FAR2: variants seen among roughly 807,000 people sequenced by gnomAD.
The protein encoded by FAR2 is epididymis secretory protein Li 81.
Under a neutral mutation model 56.0 loss-of-function variants are expected in FAR2, and 19 were observed. The observed-to-expected ratio is 0.34, with a 90% confidence interval of 0.24 to 0.50. The LOEUF is 0.50. FAR2 is among the 20% of genes least tolerant of loss of function. FAR2 has a pLI of 0.98. For synonymous variants in FAR2, 219 were observed against 218.8 expected, an observed-to-expected ratio of 1.00 and a Z score of -0.01; for missense variants, 508 against 642.2, an observed-to-expected ratio of 0.79 and a Z score of 2.26.
At chr12:29,264,616 A>AAAATAAAT (rs148784734) in intron 1 of FAR2, among the ~76,000 whole-genome samples, 13,264 of 129,940 alleles carry the variant, frequency 0.1, 889 homozygotes, top group African/African-American at 0.17. Context: ...ATCCTGTCTC[A>AAAATAAAT]AAATAAATAA....
chr12:29,241,291 T>C (rs1420546983), intron 1 of FAR2, among the ~76,000 whole-genome samples: 1 of 152,236 alleles, frequency 6.6e-6, no homozygotes, highest in Non-Finnish European at 1.5e-5. Flanking sequence ...CATCTTTTTT[T>C]TTCTTCTTCT....
At chr12:29,307,622 A>T (rs773698282) in intron 4 of FAR2, 36 bp from the exon 5 acceptor site, 1 of 1,558,178 alleles carries the variant, frequency 6.4e-7, no homozygotes, top group Admixed American at 2.0e-5. Context: ...ATTGTCTAAC[A>T]TATGTTACTA....
At chr12:29,248,514 C>T (rs998759355) in intron 1 of FAR2, among the ~76,000 whole-genome samples, 2 of 152,092 alleles carry the variant, frequency 1.3e-5, no homozygotes, top group Non-Finnish European at 2.9e-5. Context: ...TAATAGAATA[C>T]CACAAGGCAA....
intron 1 of FAR2, among the ~76,000 whole-genome samples, chr12:29,190,359 G>A (rs1950092119): frequency 6.6e-6 from 1 of 151,080 alleles, no homozygotes; most frequent in Admixed American, 6.6e-5. Context: ...CCCAAGACAA[G>A]ACACTTCAGC....
At chr12:29,284,486 A>T (rs898051767) in intron 2 of FAR2, among the ~76,000 whole-genome samples, 2 of 152,222 alleles carry the variant, frequency 1.3e-5, no homozygotes, top group African/African-American at 2.4e-5. Context: ...GAAAAATCTG[A>T]ATTACTCAGT....
intron 4 of FAR2, among the ~76,000 whole-genome samples, chr12:29,298,369 CATT>C (rs755108942): frequency 3.5e-4 from 53 of 151,130 alleles, no homozygotes; most frequent in Non-Finnish European, 7.5e-4. Flanking sequence ...GAATTTGTCA[CATT>C]ATAATTTTAT....
In FAR2 at chr12:29,307,847, T is replaced by A. The variant is rs377402153; in HGVS notation, c.723+12T>A. 6.2e-6 allele frequency: 10 copies of A among 1,602,052 alleles called. No homozygotes were observed. In the African/African-American group the frequency reaches 9.4e-5, roughly 15 times the overall value. On this transcript the variant is annotated intron_variant, in intron 5 of 11. Transcript: ENST00000536681. ...AGGAGCCTTTCCCAGTAAGCCCACT[T>A]ACCTGGATTCTGTGTTTTGCTTCCA... is the stretch of plus-strand genomic sequence containing the variant.
intron 1 of FAR2, among the ~76,000 whole-genome samples, chr12:29,253,284 TCTATATCTATCTAG>T (rs1948255898): frequency 1.2e-5 from 1 of 82,722 alleles, no homozygotes; most frequent in East Asian, 3.6e-4. Context: ...TATATCGATA[TCTATATCTATCTAG>T]ATAGATATCT....
chr12:29,202,625 C>A lies in FAR2; in HGVS notation c.-39+53218C>A, dbSNP rs182583468. 1.3e-3 allele frequency among the ~76,000 whole-genome samples: 193 copies of A among 152,276 alleles called. 1 individual carries two copies. Among genetic ancestry groups the A allele is most frequent in the African/African-American group, 4.3e-3 (177 of 41,562 alleles). On this transcript the variant is annotated intron_variant, in intron 1 of 11. Transcript: ENST00000536681. ...GTTTGGGTCATGGGGGCGGATCCCTCATAAATGGCTTGATGCCATCCTTGC... is the reference window on the plus strand; with the variant it reads ...GTTTGGGTCATGGGGGCGGATCCCTAATAAATGGCTTGATGCCATCCTTGC...
At chr12:29,186,391 CAT>C (rs1208226870) in intron 1 of FAR2, among the ~76,000 whole-genome samples, 1 of 152,194 alleles carries the variant, frequency 6.6e-6, no homozygotes, top group Non-Finnish European at 1.5e-5. Context: ...GTCACTGTGT[CAT>C]AGAGACAGGA....
intron 4 of FAR2, among the ~76,000 whole-genome samples, chr12:29,307,075 C>G (rs532922277): frequency 1.3e-5 from 2 of 152,272 alleles, no homozygotes; most frequent in South Asian, 4.1e-4. Flanking sequence ...TCGGACAACA[C>G]TGAGTAGGGC....
At chr12:29,247,275 T>C (rs1948143733) in intron 1 of FAR2, among the ~76,000 whole-genome samples, 1 of 152,222 alleles carries the variant, frequency 6.6e-6, no homozygotes, top group Admixed American at 6.5e-5. Context: ...GGAGTCTCAC[T>C]GTATGAAGCA....
intron 10 of FAR2, among the ~76,000 whole-genome samples, chr12:29,324,160 G>A (rs925623914): frequency 2.0e-5 from 3 of 151,970 alleles, no homozygotes; most frequent in Non-Finnish European, 2.9e-5. Flanking sequence ...GATGGAAGAC[G>A]AAATGAATGA....
chr12:29,296,989 C>T, intron 3 of FAR2, 32 bp from the exon 4 acceptor site: 1 of 1,552,246 alleles, frequency 6.4e-7, no homozygotes, highest in South Asian at 1.3e-5. Context: ...TGACTTACTT[C>T]ATTGTATTTC....
intron 1 of FAR2, among the ~76,000 whole-genome samples, chr12:29,221,182 C>A (rs1947686235): frequency 1.3e-5 from 2 of 152,160 alleles, no homozygotes; most frequent in African/African-American, 4.8e-5. Context: ...CATGCTCAAG[C>A]CCACTTGCCC....
chr12:29,271,065 G>A (rs1156681786), intron 2 of FAR2, among the ~76,000 whole-genome samples: 3 of 152,168 alleles, frequency 2.0e-5, no homozygotes, highest in Non-Finnish European at 4.4e-5. Context: ...AAGTAGCCAT[G>A]CAGTGATACT....
intron 2 of FAR2, among the ~76,000 whole-genome samples, chr12:29,285,643 G>A (rs769552115): frequency 4.6e-5 from 7 of 152,096 alleles, no homozygotes; most frequent in Admixed American, 6.5e-5. Flanking sequence ...CAAATTGGCC[G>A]GGCTTGGTGG....
At chr12:29,265,330 C>T (rs1292639328) in intron 1 of FAR2, among the ~76,000 whole-genome samples, 1 of 152,124 alleles carries the variant, frequency 6.6e-6, no homozygotes. Flanking sequence ...AAAACTGAAA[C>T]ATAGACCAGT....
At chr12:29,204,264 A>G (rs1298529515) in intron 1 of FAR2, among the ~76,000 whole-genome samples, 2 of 152,028 alleles carry the variant, frequency 1.3e-5, no homozygotes, top group African/African-American at 2.4e-5. Flanking sequence ...CTAAACCAGG[A>G]CTATGTTGGC....
Sources: gnomAD v4.1 joint callset for allele counts (sites outside exome capture counted in the v4.1 genomes callset) on GRCh38, gnomAD v4.1.1 for gene constraint, MANE v1.5 for transcripts, NCBI Gene and HGNC (gene_info 2026-07-23, HGNC 2026-07-21) for gene names.